Variants in NT5DC1 observed in about 807,000 individuals in gnomAD.
The protein encoded by NT5DC1 is 5'-nucleotidase domain-containing protein 1.
A neutral mutation model predicts 59.4 loss-of-function variants in NT5DC1; 42 were observed. The ratio of observed to expected loss-of-function variants is 0.71; its 90% CI spans 0.55 to 0.92. NT5DC1 has a LOEUF of 0.92. Among genes scored for constraint, NT5DC1 ranks in the 40% least tolerant of loss-of-function variants. The pLI is 0.00. For missense variants in NT5DC1, 501 were observed against 537.1 expected, an observed-to-expected ratio of 0.93 and a Z score of 0.66; for synonymous variants, 172 against 188.1, an observed-to-expected ratio of 0.91 and a Z score of 0.70.
Position 116,244,228 on chromosome 6 carries a change from C to A in NT5DC1, c.*204C>A. On this transcript the variant is annotated 3_prime_UTR_variant, in exon 12 of 12. Transcript: ENST00000319550. ...AATCTCAGTATCCTAAAACTTAGAA[C>A]CTTATTGATATTTTCTATACAGTAG... 2.6e-6 allele frequency: 1 copy of A among 385,898 alleles called. No individual in the cohort carries two copies. The highest frequency in any genetic ancestry group is 4.6e-6 in the Non-Finnish European group (1 of 215,558). 23.9% of individuals were successfully genotyped at this position (385,898 alleles called of 1,614,324 possible). A position where few individuals can be genotyped will look rare whatever the true frequency, so the allele number is the denominator to read the frequency against.
intron 1 of NT5DC1, 127 bp from the exon 2 acceptor site, chr6:116,106,116 CA>C: frequency 1.4e-6 from 1 of 696,070 alleles, no homozygotes; most frequent in South Asian, 1.6e-5. Context: ...TGCAGAACTT[CA>C]CAATTACAGA....
At chr6:116,107,773 C>T (rs910774846) in intron 2 of NT5DC1, among the ~76,000 whole-genome samples, 6 of 151,872 alleles carry the variant, frequency 4.0e-5, no homozygotes, top group Non-Finnish European at 7.4e-5. Flanking sequence ...GGGGTTTCAC[C>T]GTGTTAGCCA....
intron 5 of NT5DC1, among the ~76,000 whole-genome samples, chr6:116,116,877 G>A (rs115401427): frequency 0.029 from 4,448 of 152,130 alleles, 238 homozygotes; most frequent in African/African-American, 0.1. Flanking sequence ...TAAATATCTA[G>A]TAGTCTGTCT....
In NT5DC1 at chr6:116,100,957, C is replaced by G; in HGVS notation, c.27C>G (p.Ala9=). MAQHFSLA[A]CDVVGFDLDH... ...TGGCTCAGCACTTCTCCCTGGCCGC[C>G]TGCGACGTGGTCGGATTCGACCTGG... The change falls in exon 1 of 12, where the codon GCC becomes GCG. Residue 9 remains alanine (A), a synonymous_variant. Transcript: ENST00000319550. The G allele has an allele frequency of 6.2e-7, 1 of 1,604,998 alleles. No homozygotes were observed. Among genetic ancestry groups the G allele is most frequent in the South Asian group, 1.1e-5 (1 of 90,172 alleles).
At chr6:116,125,241 T>TCC in intron 6 of NT5DC1, 1 of 1,401,196 alleles carries the variant, frequency 7.1e-7, no homozygotes, top group Non-Finnish European at 9.8e-7. Flanking sequence ...AGTTGGAAAG[T>TCC]AACACCAAAG....
intron 6 of NT5DC1, among the ~76,000 whole-genome samples, chr6:116,219,961 C>CAAA (rs1170500016): frequency 2.1e-3 from 74 of 35,518 alleles, no homozygotes; most frequent in East Asian, 0.012. Flanking sequence ...GACTCTGTCT[C>CAAA]AAAAAAAAAA....
intron 6 of NT5DC1, among the ~76,000 whole-genome samples, chr6:116,182,303 G>T (rs569527342): frequency 6.6e-6 from 1 of 151,194 alleles, no homozygotes; most frequent in Non-Finnish European, 1.5e-5. Flanking sequence ...GAACATTTGG[G>T]CTGGTTCCAC....
At chr6:116,107,379 T>G (rs1732711455) in intron 2 of NT5DC1, among the ~76,000 whole-genome samples, 1 of 151,406 alleles carries the variant, frequency 6.6e-6, no homozygotes, top group Non-Finnish European at 1.5e-5. Flanking sequence ...TAAAGTACCC[T>G]GTCATTTTTT....
chr6:116,168,977 C>T (rs1254293151), intron 6 of NT5DC1, among the ~76,000 whole-genome samples: 1 of 152,132 alleles, frequency 6.6e-6, no homozygotes, highest in Admixed American at 6.5e-5. Context: ...ACCTGGAGAG[C>T]TCATTAACTT....
In NT5DC1 at chr6:116,247,229, T is replaced by A. The variant is rs561854598; in HGVS notation, c.*3205T>A. 15 of 152,292 alleles carry A rather than the reference T, an allele frequency of 9.8e-5. No homozygotes were observed. The highest frequency in any genetic ancestry group is 1.8e-4 in the Non-Finnish European group (12 of 67,996). The allele number at this position is 152,292 out of a possible 1,614,324, so 9.4% of individuals were successfully genotyped here. A position where few individuals can be genotyped will look rare whatever the true frequency, so the allele number is the denominator to read the frequency against. ...GCTAGGACATGAGAGGGATTAACAT[T>A]GAAGACACAGCCTCTATCTTTAAGT... On this transcript the variant is annotated 3_prime_UTR_variant, in exon 12 of 12. Coordinates refer to ENST00000319550, the MANE Select transcript of NT5DC1 (RefSeq NM_152729.3).
intron 6 of NT5DC1, among the ~76,000 whole-genome samples, chr6:116,153,737 T>A (rs60494998): frequency 6.6e-6 from 1 of 152,136 alleles, no homozygotes; most frequent in Non-Finnish European, 1.5e-5. Context: ...ACTTTCTTAC[T>A]GGTTTAGTCA....
chr6:116,120,961 A>T lies in NT5DC1; in HGVS notation c.529+3016A>T, dbSNP rs533520389. 3 of 1,613,528 alleles carry T rather than the reference A, an allele frequency of 1.9e-6. No homozygotes were observed. The African/African-American group carries it at 4.0e-5, about 22-fold the overall frequency. On this transcript the variant is annotated intron_variant, in intron 6 of 11. Coordinates refer to ENST00000319550, the MANE Select transcript of NT5DC1 (RefSeq NM_152729.3). Reference sequence around the variant, plus strand: ...GTTTTCCTGGGTACCCTGGTTTTCCATCTGACCCAGGGGAACCCCTTTCAC... The same window carrying T: ...GTTTTCCTGGGTACCCTGGTTTTCCTTCTGACCCAGGGGAACCCCTTTCAC...
chr6:116,194,032 G>A (rs951840610), intron 6 of NT5DC1, among the ~76,000 whole-genome samples: 3 of 152,052 alleles, frequency 2.0e-5, no homozygotes, highest in Non-Finnish European at 2.9e-5. Flanking sequence ...GGGCAACAGA[G>A]TGAAACCCTG....
chr6:116,216,809 C>T (rs1781695919), intron 6 of NT5DC1, among the ~76,000 whole-genome samples: 1 of 152,124 alleles, frequency 6.6e-6, no homozygotes, highest in Non-Finnish European at 1.5e-5. Context: ...AAAGAAGTTT[C>T]TTCTTTTAAG....
intron 6 of NT5DC1, among the ~76,000 whole-genome samples, chr6:116,178,090 C>CGT (rs1432111511): frequency 3.4e-4 from 35 of 103,572 alleles, no homozygotes; most frequent in South Asian, 1.3e-3. Flanking sequence ...TGTGTGTGTG[C>CGT]GCGCGCGCGC....
chr6:116,157,893 A>G (rs1267658320), intron 6 of NT5DC1, among the ~76,000 whole-genome samples: 1 of 152,212 alleles, frequency 6.6e-6, no homozygotes, highest in Non-Finnish European at 1.5e-5. Context: ...TAGTAATAAT[A>G]TCATTGAAGT....
At chr6:116,166,317 A>G (rs1402980563) in intron 6 of NT5DC1, among the ~76,000 whole-genome samples, 1 of 152,212 alleles carries the variant, frequency 6.6e-6, no homozygotes, top group Non-Finnish European at 1.5e-5. Context: ...ACTGACATCC[A>G]AAATCCCTAG....
At chr6:116,170,631 A>G (rs1260664590) in intron 6 of NT5DC1, among the ~76,000 whole-genome samples, 5 of 152,204 alleles carry the variant, frequency 3.3e-5, no homozygotes, top group Non-Finnish European at 7.3e-5. Context: ...TTCAGAAACT[A>G]TTAAGAACTG....
chr6:116,177,712 A>AAAC (rs1780764480), intron 6 of NT5DC1, among the ~76,000 whole-genome samples: 1 of 152,176 alleles, frequency 6.6e-6, no homozygotes, highest in Non-Finnish European at 1.5e-5. Flanking sequence ...CTTAAAGTTT[A>AAAC]TTACTAAATA....
Sources: gnomAD v4.1 joint callset for allele counts (sites outside exome capture counted in the v4.1 genomes callset) on GRCh38, gnomAD v4.1.1 for gene constraint, MANE v1.5 for transcripts, NCBI Gene and HGNC (gene_info 2026-07-23, HGNC 2026-07-21) for gene names.